HYDIN: variants seen among roughly 807,000 people sequenced by gnomAD.
HYDIN encodes the protein axonemal central pair apparatus protein HYDIN.
Under a neutral mutation model 403.9 loss-of-function variants are expected in HYDIN, and 132 were observed. The observed-to-expected ratio is 0.33, with a 90% CI of 0.28 to 0.38. The LOEUF (loss-of-function observed/expected upper bound fraction) is 0.38. HYDIN is among the 10% of genes least tolerant of loss of function. The probability of loss-of-function intolerance (pLI) is 1.00; values close to 1 mark genes in which losing one functional copy is unlikely to be tolerated. For synonymous variants in HYDIN, 1,202 were observed against 1,891.7 expected (o/e 0.64, Z 9.46); for missense variants, 2,827 against 5,009.5 (o/e 0.56, Z 13.15).
At chr16:71,216,036 G>A (rs779413999) in intron 1 of HYDIN, among the ~76,000 whole-genome samples, 19 of 152,040 alleles carry the variant, frequency 1.2e-4, no homozygotes, top group Admixed American at 6.6e-5. Context: ...CTGTAACTAC[G>A]TAAAACAACT....
chr16:71,141,903 AAT>A (rs1197879323), intron 7 of HYDIN, among the ~76,000 whole-genome samples: 1 of 151,808 alleles, frequency 6.6e-6, no homozygotes, highest in Non-Finnish European at 1.5e-5. Context: ...CAAAGAAGTA[AAT>A]ATTCAATTTT....
intron 10 of HYDIN, among the ~76,000 whole-genome samples, chr16:71,102,583 A>G (rs934229470): frequency 6.6e-6 from 1 of 151,550 alleles, no homozygotes; most frequent in African/African-American, 2.4e-5. Flanking sequence ...AAAAACATTT[A>G]TGTTTGCTTG....
intron 41 of HYDIN, among the ~76,000 whole-genome samples, chr16:70,947,009 T>C (rs1377716874): frequency 2.6e-5 from 4 of 152,074 alleles, no homozygotes; most frequent in African/African-American, 9.6e-5. Flanking sequence ...ACTTCCTCTT[T>C]TCCCAATTGA....
At chr16:71,019,389 G>T (rs1360215850) in intron 22 of HYDIN, among the ~76,000 whole-genome samples, 1 of 152,292 alleles carries the variant, frequency 6.6e-6, no homozygotes, top group African/African-American at 2.4e-5. Context: ...TGATTAGATG[G>T]TTTCGGTTGA....
intron 3 of HYDIN, among the ~76,000 whole-genome samples, chr16:71,183,930 T>C (rs1362882320): frequency 5.9e-5 from 9 of 152,118 alleles, no homozygotes; most frequent in Non-Finnish European, 5.9e-5. Flanking sequence ...AAACTCCTCA[T>C]AGCCTGTTAT....
chr16:71,166,086 C>G (rs1319008111), intron 5 of HYDIN, among the ~76,000 whole-genome samples: 3 of 148,290 alleles, frequency 2.0e-5, no homozygotes, highest in Admixed American at 6.8e-5. Context: ...TAGGAAGCCA[C>G]TGCTATAGTC....
chr16:70,925,353 C>T (rs1214841451), intron 45 of HYDIN, among the ~76,000 whole-genome samples: 2 of 152,260 alleles, frequency 1.3e-5, no homozygotes, highest in Non-Finnish European at 2.9e-5. Context: ...TATGGCTAGC[C>T]AGTTTTCCCA....
At chr16:70,908,605 T>C (rs1166934096) in intron 48 of HYDIN, 48 bp downstream of exon 48, 6 of 1,486,172 alleles carry the variant, frequency 4.0e-6, no homozygotes, top group Non-Finnish European at 5.5e-6. Context: ...ACACCCTCAG[T>C]GTGGGCTTTG....
intron 1 of HYDIN, among the ~76,000 whole-genome samples, chr16:71,217,069 T>C (rs557649214): frequency 6.6e-6 from 1 of 152,220 alleles, no homozygotes; most frequent in Non-Finnish European, 1.5e-5. Flanking sequence ...CCTGTAAGTC[T>C]CCAGTTAAAT....
intron 1 of HYDIN, among the ~76,000 whole-genome samples, chr16:71,197,405 C>T (rs775303840): frequency 6.6e-6 from 1 of 152,210 alleles, no homozygotes; most frequent in Non-Finnish European, 1.5e-5. Context: ...CTCTGCATAT[C>T]TGCCAACATT....
intron 77 of HYDIN, among the ~76,000 whole-genome samples, chr16:70,836,111 T>C (rs918493630): frequency 6.6e-6 from 1 of 152,088 alleles, no homozygotes; most frequent in African/African-American, 2.4e-5. Context: ...GAAACTAGGC[T>C]AGGGGGCTCA....
chr16:70,905,631 T>C (rs1342376779), intron 50 of HYDIN, among the ~76,000 whole-genome samples: 2 of 73,458 alleles, frequency 2.7e-5, no homozygotes, highest in East Asian at 5.4e-4. Context: ...AGACCCTATC[T>C]TAAAAAAAAA....
Position 70,862,060 on chromosome 16 carries a change from T to C in HYDIN, c.11765A>G (p.Asn3922Ser), listed in dbSNP as rs1330316690. Reference protein sequence around the residue: ...SPLDIGDFESNLFCQIPNLPP... With the variant: ...SPLDIGDFESSLFCQIPNLPP... ...CACATTTTCTTACTGGCAGAAAAGG[T>C]TGCTCTCGAAGTCTCCAATGTCCAA... The change falls in exon 69 of 86, where the codon AAC becomes AGC. Residue 3922 changes from asparagine (N) to serine (S), a missense_variant. Transcript: ENST00000393567. 3 of 1,587,202 alleles carry C rather than the reference T, an allele frequency of 1.9e-6. No homozygotes were observed. Among genetic ancestry groups the C allele is most frequent in the East Asian group, 2.3e-5 (1 of 43,708 alleles).
At chr16:70,954,300 A>T (rs1172832487) in intron 40 of HYDIN, among the ~76,000 whole-genome samples, 1 of 109,156 alleles carries the variant, frequency 9.2e-6, no homozygotes, top group Non-Finnish European at 1.8e-5. Flanking sequence ...ACATAGCGAG[A>T]CCCTAAAAAT....
At chr16:70,943,574 TA>T (rs34869991) in intron 42 of HYDIN, among the ~76,000 whole-genome samples, 1 of 152,184 alleles carries the variant, frequency 6.6e-6, no homozygotes, top group East Asian at 1.9e-4. Context: ...TTCTGGTCAT[TA>T]AAAAAACTTT....
At chr16:71,220,232 T>C (rs1227155977) in intron 1 of HYDIN, among the ~76,000 whole-genome samples, 1 of 152,228 alleles carries the variant, frequency 6.6e-6, no homozygotes. Flanking sequence ...ATGTTCTAAA[T>C]GTTTCTGCTG....
At chr16:71,105,661 G>A (rs576154465) in intron 10 of HYDIN, among the ~76,000 whole-genome samples, 87 of 40,652 alleles carry the variant, frequency 2.1e-3, no homozygotes, top group Non-Finnish European at 3.3e-3. Context: ...TTCTGCATTT[G>A]ACTCCGTTAC....
At chr16:71,050,140 A>C (rs1424199034) in intron 18 of HYDIN, among the ~76,000 whole-genome samples, 1 of 145,712 alleles carries the variant, frequency 6.9e-6, no homozygotes, top group Non-Finnish European at 1.5e-5. Flanking sequence ...CCAGAATTTA[A>C]GGCTCAAATC....
At chr16:71,014,528 T>G (rs578223125) in intron 23 of HYDIN, among the ~76,000 whole-genome samples, 30 of 151,848 alleles carry the variant, frequency 2.0e-4, no homozygotes, top group African/African-American at 6.8e-4. Context: ...GATGAGTGCA[T>G]CACCCTCCCC....
Sources: allele counts gnomAD v4.1 joint callset (sites outside exome capture counted in the v4.1 genomes callset), GRCh38; gene constraint gnomAD v4.1.1; transcripts MANE v1.5; gene names NCBI Gene and HGNC (gene_info 2026-07-23, HGNC 2026-07-21).